Variants in DLG2 observed in about 807,000 individuals in gnomAD.
DLG2 encodes discs large MAGUK scaffold protein 2, also known as disks large homolog 2.
A neutral mutation model predicts 132.5 loss-of-function variants in DLG2; 45 were observed. The observed-to-expected ratio is 0.34, with a 90% CI of 0.27 to 0.44. The LOEUF is 0.44. Ranked by LOEUF, DLG2 falls within the 20% of genes least tolerant of loss-of-function variation. The pLI is 1.00. For synonymous variants in DLG2, 424 were observed against 419.6 expected (o/e 1.01, Z -0.13); for missense variants, 1,045 against 1,196.9 (o/e 0.87, Z 1.87).
intron 3 of DLG2, among the ~76,000 whole-genome samples, chr11:85,584,339 G>GGTGTGTGTGTGT (rs61334060): frequency 6.9e-6 from 1 of 144,972 alleles, no homozygotes; most frequent in African/African-American, 2.6e-5. Flanking sequence ...AGTATTCCAT[G>GGTGTGTGTGTGT]GTGTGTGTGT....
intron 3 of DLG2, among the ~76,000 whole-genome samples, chr11:85,546,818 C>CCT (rs2076358677): frequency 1.0e-4 from 7 of 68,972 alleles, no homozygotes; most frequent in African/African-American, 4.3e-4. Flanking sequence ...ATAACCCCTG[C>CCT]TTTTTTTTTT....
At chr11:85,163,367 G>A (rs1422514132) in intron 4 of DLG2, among the ~76,000 whole-genome samples, 1 of 151,974 alleles carries the variant, frequency 6.6e-6, no homozygotes, top group Non-Finnish European at 1.5e-5. Flanking sequence ...TGGACTGCCT[G>A]TCCTCTGAAG....
intron 11 of DLG2, among the ~76,000 whole-genome samples, chr11:84,015,484 G>A (rs775147306): frequency 6.6e-6 from 1 of 152,052 alleles, no homozygotes; most frequent in African/African-American, 2.4e-5. Context: ...CATCACCCAG[G>A]TATTAATCCC....
intron 6 of DLG2, chr11:85,021,229 A>G (rs964311158): frequency 6.3e-6 from 8 of 1,271,454 alleles, no homozygotes; most frequent in Non-Finnish European, 9.2e-6. Flanking sequence ...TTTCGAGGGC[A>G]CTACAGCCCG....
intron 7 of DLG2, among the ~76,000 whole-genome samples, chr11:84,475,383 A>C (rs2099118972): frequency 6.6e-6 from 1 of 152,144 alleles, no homozygotes; most frequent in Admixed American, 6.6e-5. Context: ...GAAAAAAAGC[A>C]AATTACCTAC....
intron 6 of DLG2, among the ~76,000 whole-genome samples, chr11:85,013,933 C>CT (rs945378371): frequency 4.6e-5 from 7 of 151,932 alleles, no homozygotes; most frequent in Non-Finnish European, 7.4e-5. Flanking sequence ...CTTTAAAAGA[C>CT]TTTTTTTGGT....
chr11:84,156,075 G>C (rs934655850), intron 9 of DLG2, among the ~76,000 whole-genome samples: 2 of 152,108 alleles, frequency 1.3e-5, no homozygotes, highest in Non-Finnish European at 2.9e-5. Flanking sequence ...AATATACTAG[G>C]AACGATAGAA....
intron 18 of DLG2, among the ~76,000 whole-genome samples, chr11:83,639,245 C>T (rs542177863): frequency 2.6e-5 from 4 of 152,298 alleles, no homozygotes; most frequent in East Asian, 1.9e-4. Context: ...CAGTCACGAC[C>T]TCATCCAGGG....
chr11:83,471,420 T>G (rs2092006614), intron 24 of DLG2, among the ~76,000 whole-genome samples: 1 of 152,152 alleles, frequency 6.6e-6, no homozygotes, highest in Admixed American at 6.6e-5. Flanking sequence ...GAAAACATTA[T>G]TATTTTTATT....
intron 8 of DLG2, among the ~76,000 whole-genome samples, chr11:84,240,603 T>C (rs7103429): frequency 0.15 from 22,560 of 152,070 alleles, 1,945 homozygotes; most frequent in East Asian, 0.25. Flanking sequence ...CCTGGAGGGA[T>C]TGATGGAGGC....
At chr11:85,077,072 G>T (rs1566800041) in intron 6 of DLG2, among the ~76,000 whole-genome samples, 1 of 152,016 alleles carries the variant, frequency 6.6e-6, no homozygotes. Flanking sequence ...CCAAAACCAT[G>T]TCTCAAATAT....
intron 16 of DLG2, among the ~76,000 whole-genome samples, chr11:83,848,612 C>T (rs956196314): frequency 3.3e-5 from 5 of 152,208 alleles, no homozygotes; most frequent in African/African-American, 1.2e-4. Flanking sequence ...AGAAATGCCT[C>T]TCACGTCATC....
intron 20 of DLG2, among the ~76,000 whole-genome samples, chr11:83,538,506 T>G (rs1318088555): frequency 6.6e-6 from 1 of 152,238 alleles, no homozygotes; most frequent in African/African-American, 2.4e-5. Flanking sequence ...CATATGCTCC[T>G]AGGGTAGTTT....
intron 16 of DLG2, among the ~76,000 whole-genome samples, chr11:83,869,521 T>C (rs1221918174): frequency 6.6e-6 from 1 of 152,186 alleles, no homozygotes; most frequent in Non-Finnish European, 1.5e-5. Flanking sequence ...CAAACAGTGG[T>C]ACATGGCTGT....
At chr11:84,339,188 A>G (rs1382542106) in intron 7 of DLG2, among the ~76,000 whole-genome samples, 2 of 152,122 alleles carry the variant, frequency 1.3e-5, no homozygotes, top group Non-Finnish European at 2.9e-5. Context: ...AGCTGAAGGG[A>G]TGGAGGGTTA....
At chr11:83,705,528 A>T (rs995193269) in intron 18 of DLG2, among the ~76,000 whole-genome samples, 1 of 152,196 alleles carries the variant, frequency 6.6e-6, no homozygotes, top group Non-Finnish European at 1.5e-5. Flanking sequence ...AACTATCATT[A>T]TGAAGATCTG....
intron 16 of DLG2, among the ~76,000 whole-genome samples, chr11:83,857,875 A>T (rs765652727): frequency 5.9e-5 from 9 of 152,136 alleles, no homozygotes; most frequent in African/African-American, 9.7e-5. Flanking sequence ...TCTATTAAAA[A>T]GTGGTTAATG....
chr11:85,269,189 T>G (rs1364863641), intron 4 of DLG2, among the ~76,000 whole-genome samples: 2 of 152,218 alleles, frequency 1.3e-5, no homozygotes, highest in African/African-American at 4.8e-5. Context: ...CTCCTGATTT[T>G]CAACTTCTCC....
At chr11:84,450,581 A>T (rs935828401) in intron 7 of DLG2, among the ~76,000 whole-genome samples, 1 of 151,704 alleles carries the variant, frequency 6.6e-6, no homozygotes, top group Admixed American at 6.6e-5. Flanking sequence ...AGGGAGAATG[A>T]TGAAGGTGGT....
Sources: allele counts gnomAD v4.1 joint callset (sites outside exome capture counted in the v4.1 genomes callset), GRCh38; gene constraint gnomAD v4.1.1; transcripts MANE v1.5; gene names NCBI Gene and HGNC (gene_info 2026-07-23, HGNC 2026-07-21).